MICAL2: variants seen among roughly 807,000 people sequenced by gnomAD.
MICAL2 encodes the protein microtubule associated monooxygenase, calponin and LIM domain containing 2.
MICAL2 carries 77 observed loss-of-function variants against 127.3 expected under a neutral mutation model. The ratio of observed to expected loss-of-function variants is 0.60; its 90% CI spans 0.50 to 0.73. The LOEUF (loss-of-function observed/expected upper bound fraction) is 0.73, where lower values mean the gene tolerates loss of function less well. MICAL2 is among the 30% of genes least tolerant of loss of function. The pLI is 0.00. For missense variants in MICAL2, 1,351 were observed against 1,434.4 expected (o/e 0.94, Z 0.94); for synonymous variants, 570 against 551.1 (o/e 1.03, Z -0.48).
downstream of MICAL2, chr11:12,294,802 T>A (rs539220118): frequency 5.8e-6 from 8 of 1,388,110 alleles, no homozygotes; most frequent in Admixed American, 4.6e-5. Flanking sequence ...AGGCAGCTCC[T>A]CCTCCTCCTC....
In MICAL2 at chr11:12,216,745, G is replaced by T. The variant is rs986352918; in HGVS notation, c.948+426G>T. Reference sequence around the variant, plus strand: ...AGTGTGGGGGAATTTCATTATTCATGCAGTCAAAAAGACTCGATCTGCATC... The same window carrying T: ...AGTGTGGGGGAATTTCATTATTCATTCAGTCAAAAAGACTCGATCTGCATC... On this transcript the variant is annotated intron_variant, in intron 8 of 27. Coordinates refer to ENST00000683283, the MANE Select transcript of MICAL2 (RefSeq NM_001282663.2). Among the ~76,000 whole-genome samples the T allele has an allele frequency of 2.0e-5, 3 of 152,260 alleles. 1 individual carries two copies. In the South Asian group the frequency reaches 6.2e-4, roughly 32 times the overall value.
chr11:12,284,739 C>T (rs529797029), intron 2 of MICAL2, among the ~76,000 whole-genome samples: 10 of 152,158 alleles, frequency 6.6e-5, no homozygotes, highest in Non-Finnish European at 1.5e-4. Context: ...GCCCAGGCAG[C>T]CAGCAATTGG....
chr11:12,352,273 C>A (rs1939062619), intron 33 of MICAL2, among the ~76,000 whole-genome samples: 1 of 152,204 alleles, frequency 6.6e-6, no homozygotes, highest in Non-Finnish European at 1.5e-5. Context: ...CAAGCACATT[C>A]TGTGCACCAG....
chr11:12,186,453 G>T (rs957072560), intron 3 of MICAL2, among the ~76,000 whole-genome samples: 1 of 152,048 alleles, frequency 6.6e-6, no homozygotes, highest in Admixed American at 6.5e-5. Flanking sequence ...CTTTCCACAT[G>T]CACTGTATGT....
At chr11:12,145,879 C>T (rs184897304) in intron 2 of MICAL2, among the ~76,000 whole-genome samples, 33 of 152,188 alleles carry the variant, frequency 2.2e-4, no homozygotes, top group African/African-American at 7.7e-4. Flanking sequence ...TACTGAGAGC[C>T]AGGAAGGTGT....
intron 3 of MICAL2, among the ~76,000 whole-genome samples, chr11:12,192,260 G>A (rs773406289): frequency 6.6e-6 from 1 of 152,202 alleles, no homozygotes; most frequent in Non-Finnish European, 1.5e-5. Flanking sequence ...AGGGCAGCTC[G>A]CCAGTGCAGG....
chr11:12,233,808 T>G (rs1213764895), intron 15 of MICAL2, among the ~76,000 whole-genome samples: 1 of 152,104 alleles, frequency 6.6e-6, no homozygotes, highest in African/African-American at 2.4e-5. Flanking sequence ...CTTTGTAGAG[T>G]GAAACAGGGT....
At chr11:12,353,357 G>A (rs955196199) in intron 33 of MICAL2, among the ~76,000 whole-genome samples, 1 of 152,192 alleles carries the variant, frequency 6.6e-6, no homozygotes. Flanking sequence ...CTGTGCTGGT[G>A]CACTTCTTGT....
intron 3 of MICAL2, among the ~76,000 whole-genome samples, chr11:12,202,965 C>G (rs1321816333): frequency 3.3e-5 from 5 of 152,232 alleles, no homozygotes; most frequent in African/African-American, 1.2e-4. Flanking sequence ...CTGGCAATCA[C>G]TAATCCACTT....
At chr11:12,278,458 A>C (rs1290132645) in intron 1 of MICAL2, among the ~76,000 whole-genome samples, 1 of 152,242 alleles carries the variant, frequency 6.6e-6, no homozygotes, top group South Asian at 2.1e-4. Context: ...AATAGGTGAT[A>C]GGAATTTTCC....
rs548416166 is a variant in MICAL2, at chr11:12,112,355, CT to C, written c.-149+1630del. On this transcript the variant is annotated intron_variant, in intron 1 of 27. Transcript: ENST00000683283. Reference sequence around the variant, plus strand: ...AACCTGCAAACCCCTTATCCTCCCCCTAGTCAAGAGTAGTGGATAGTGTTGG... The same window carrying C: ...AACCTGCAAACCCCTTATCCTCCCCCAGTCAAGAGTAGTGGATAGTGTTGG... Among the ~76,000 whole-genome samples the C allele has an allele frequency of 1.4e-3, 220 of 152,296 alleles. 1 individual carries two copies. The highest frequency in any genetic ancestry group is 4.2e-3 in the South Asian group (20 of 4,818).
intron 10 of MICAL2, 77 bp from the exon 11 acceptor site, chr11:12,222,540 G>A (rs769913749): frequency 2.9e-5 from 46 of 1,585,608 alleles, no homozygotes; most frequent in Non-Finnish European, 4.0e-5. Flanking sequence ...CAGAGGAAGG[G>A]GGAAGTAGGG....
chr11:12,247,374 T>C (rs1347077021), intron 21 of MICAL2, among the ~76,000 whole-genome samples: 1 of 152,232 alleles, frequency 6.6e-6, no homozygotes, highest in Non-Finnish European at 1.5e-5. Context: ...CGTTGGCCAT[T>C]AGATGATGTA....
At chr11:12,359,353 AG>A (rs1052009529), downstream of MICAL2, among the ~76,000 whole-genome samples, 2 of 140,788 alleles carry the variant, frequency 1.4e-5, no homozygotes, top group Non-Finnish European at 3.1e-5. Context: ...AAAAAAAAAG[AG>A]GGGAACTTCT....
At chr11:12,350,026 T>G in intron 33 of MICAL2, 1 of 982,250 alleles carries the variant, frequency 1.0e-6, no homozygotes, top group Non-Finnish European at 1.6e-6. Flanking sequence ...GTCTCGGGAC[T>G]TTTTCTCCTT....
chr11:12,172,292 G>C (rs1308957082), intron 3 of MICAL2, among the ~76,000 whole-genome samples: 1 of 152,176 alleles, frequency 6.6e-6, no homozygotes, highest in African/African-American at 2.4e-5. Flanking sequence ...CCAGCACCTA[G>C]GAAAATGCCT....
intron 4 of MICAL2, among the ~76,000 whole-genome samples, chr11:12,204,704 C>T (rs1854448433): frequency 6.6e-6 from 1 of 152,184 alleles, no homozygotes; most frequent in African/African-American, 2.4e-5. Context: ...AGACTATCTC[C>T]AGGACATGAA....
chr11:12,342,432 T>C lies in MICAL2; in HGVS notation c.5516-7406T>C, dbSNP rs562363664. Among the ~76,000 whole-genome samples the C allele has an allele frequency of 1.2e-4, 19 of 152,374 alleles. No individual in the cohort carries two copies. The East Asian group carries it at 3.7e-3, about 29-fold the overall frequency. ...AAAAAAATTATTATTTATGAGTTTT[T>C]GTTAACTTCATTTTAAGTTACAAAA... On this transcript the variant is annotated intron_variant, in intron 32 of 34. Transcript: ENST00000646065.
intron 6 of MICAL2, among the ~76,000 whole-genome samples, chr11:12,210,941 AAT>A (rs1855377375): frequency 6.6e-6 from 1 of 152,210 alleles, no homozygotes; most frequent in South Asian, 2.1e-4. Flanking sequence ...GCGACAACCA[AAT>A]ATGTCTCCAC....
Sources: gnomAD v4.1 joint callset for allele counts (sites outside exome capture counted in the v4.1 genomes callset) on GRCh38, gnomAD v4.1.1 for gene constraint, MANE v1.5 for transcripts, NCBI Gene and HGNC (gene_info 2026-07-23, HGNC 2026-07-21) for gene names.